GBF1: variants seen among roughly 807,000 people sequenced by gnomAD.
GBF1 encodes Golgi-specific brefeldin A-resistance guanine nucleotide exchange factor 1.
In GBF1, 114 loss-of-function variants were observed where a neutral mutation model predicts 210.5. The observed-to-expected ratio is 0.54, with a 90% CI of 0.47 to 0.63. The LOEUF is 0.63. Ranked by LOEUF, GBF1 falls within the 30% of genes least tolerant of loss-of-function variation. The probability of loss-of-function intolerance (pLI) is 0.00; values close to 1 mark genes in which losing one functional copy is unlikely to be tolerated. For missense variants in GBF1, 1,851 were observed against 2,357.7 expected (o/e 0.79, Z 4.45); for synonymous variants, 850 against 889.2 (o/e 0.96, Z 0.78).
rs866981866 is a variant in GBF1 at position 102,276,399 on chromosome 10, G to A, written c.163+16283G>A. Among the ~76,000 whole-genome samples, 83 of 151,422 alleles carry A rather than the reference G, an allele frequency of 5.5e-4. 1 individual carries two copies. The Middle Eastern group carries it at 0.021, about 37-fold the overall frequency. The stretch of plus-strand genomic sequence containing the variant: ...AAATTAGCTGGGCATGGTGGCGGGC[G>A]CCTATAGTCACAGCTACTCAGGAGT... On this transcript the variant is annotated intron_variant, in intron 3 of 39. Transcript: ENST00000369983.
intron 3 of GBF1, among the ~76,000 whole-genome samples, chr10:102,298,663 T>TC (rs765782651): frequency 1.3e-5 from 2 of 152,104 alleles, no homozygotes; most frequent in Non-Finnish European, 2.9e-5. Context: ...CTCATTGAGT[T>TC]CCCCCAAGGA....
In GBF1 at chr10:102,351,893, A is replaced by C; in HGVS notation, c.465A>C (p.Glu155Asp). Residue 155 changes from glutamate to aspartate, a missense_variant, in exon 6 of 40, where the codon GAA becomes GAC. By Grantham distance (45) the Glu-to-Asp change is conservative. Transcript: ENST00000369983. ...LTPVGAHLTN[E>D]SVCEIMQSCF... The stretch of plus-strand genomic sequence containing the variant: ...CAGTGGGTGCCCACCTAACCAATGA[A>C]TCTGTGTGTGAGATTATGCAGTCTT... 6.2e-7 allele frequency: 1 copy of C among 1,612,474 alleles called. No homozygotes were observed. The highest frequency in any genetic ancestry group is 8.5e-7 in the Non-Finnish European group (1 of 1,178,542).
chr10:102,370,625 A>G, intron 28 of GBF1, 82 bp from the exon 29 acceptor site: 1 of 1,421,664 alleles, frequency 7.0e-7, no homozygotes, highest in African/African-American at 1.4e-5. Context: ...TATAATACCA[A>G]TGAGTCCTGA....
chr10:102,264,088 G>A (rs994471108), intron 3 of GBF1, among the ~76,000 whole-genome samples: 3 of 152,222 alleles, frequency 2.0e-5, no homozygotes, highest in African/African-American at 7.2e-5. Context: ...AGCGATGGTT[G>A]CACAACTTTG....
At chr10:102,234,174 C>G in the GBF1 span, among the ~76,000 whole-genome samples, 3 of 152,160 alleles carry the variant, frequency 2.0e-5, no homozygotes, top group African/African-American at 4.8e-5. Context: ...TTATTAGGAG[C>G]CTTTCTCAGG....
intron 3 of GBF1, among the ~76,000 whole-genome samples, chr10:102,329,756 C>G (rs1354758945): frequency 2.0e-5 from 3 of 152,130 alleles, no homozygotes; most frequent in African/African-American, 7.2e-5. Context: ...AGCCACCAAG[C>G]CCGGCCAAGT....
At position 102,371,965 on chromosome 10, in the gene GBF1, C is replaced by T. The variant is rs1031479097; in HGVS notation, c.3660+1105C>T. Among the ~76,000 whole-genome samples the T allele has an allele frequency of 5.3e-5, 8 of 151,000 alleles. 1 individual carries two copies. Among genetic ancestry groups the T allele is most frequent in the Non-Finnish European group, 7.4e-5 (5 of 67,880 alleles). On this transcript the variant is annotated intron_variant, in intron 29 of 39. Transcript: ENST00000369983. ...AGAATCACTCTGGTATTAAGACTTACTGTCCACTTTGGGGGGCTGAGGCGG... is the reference window on the plus strand; with the variant it reads ...AGAATCACTCTGGTATTAAGACTTATTGTCCACTTTGGGGGGCTGAGGCGG...
intron 3 of GBF1, among the ~76,000 whole-genome samples, chr10:102,297,270 C>T (rs1236313520): frequency 6.6e-6 from 1 of 152,186 alleles, no homozygotes; most frequent in African/African-American, 2.4e-5. Flanking sequence ...CATAGATGTA[C>T]AGACTTGCCA....
At chr10:102,244,768 G>C (rs183319756), upstream of GBF1, among the ~76,000 whole-genome samples, 10 of 152,296 alleles carry the variant, frequency 6.6e-5, no homozygotes, top group Admixed American at 5.2e-4. Context: ...AGACCCAGGG[G>C]TTCGTCTCTC....
At position 102,365,462 on chromosome 10, in the gene GBF1, G is replaced by A; in HGVS notation, c.2172G>A (p.Glu724=). The change falls in exon 18 of 40, where the codon GAG becomes GAA. Residue 724 remains glutamate, a synonymous_variant. Transcript: ENST00000369983. ...AGAAGGGGATTCAGTTTCTGCAAGA[G>A]AAAGGCCTCCTCACCATCCCAATGG... ...KPKKGIQFLQ[E]KGLLTIPMDN... The A allele has an allele frequency of 6.2e-7, 1 of 1,614,146 alleles. No homozygotes were observed. The highest frequency in any genetic ancestry group is 8.5e-7 in the Non-Finnish European group (1 of 1,179,932).
chr10:102,379,329 T>C lies in GBF1; in HGVS notation c.4540T>C (p.Tyr1514His). 6.2e-7 allele frequency: 1 copy of C among 1,613,892 alleles called. No homozygotes were observed. The highest frequency in any genetic ancestry group is 1.3e-5 in the African/African-American group (1 of 75,012). Reference sequence around the variant, plus strand: ...CCTGCACACGCGGGCAGCCTCTATCTACAGCTCATGGGCGGAGGAGCAACG... The same window carrying C: ...CCTGCACACGCGGGCAGCCTCTATCCACAGCTCATGGGCGGAGGAGCAACG... Reference protein sequence around the residue: ...HTLHTRAASIYSSWAEEQRHL... With the variant: ...HTLHTRAASIHSSWAEEQRHL... The change falls in exon 34 of 40, where the codon TAC becomes CAC. Residue 1514 changes from tyrosine to histidine, a missense_variant. This residue lies in a region of GBF1 where 967 missense variants were observed against 1,247.7 expected (regional missense o/e 0.78). Transcript: ENST00000369983.
In GBF1 at chr10:102,330,962, GGAGGCTAAATCTGACCTGAGGCA is replaced by G. The variant is rs530412020; in HGVS notation, c.164-13086_164-13064del. Reference sequence around the variant, plus strand: ...AGTGCCTGTCTTATCTTTTGAAAGTGGAGGCTAAATCTGACCTGAGGCAGACCAGGGCAGCCTCACTCAGCAAG... The same window carrying G: ...AGTGCCTGTCTTATCTTTTGAAAGTGGACCAGGGCAGCCTCACTCAGCAAG... On this transcript the variant is annotated intron_variant, in intron 3 of 39. Transcript: ENST00000369983. 1.2e-4 allele frequency among the ~76,000 whole-genome samples: 19 copies of G among 152,172 alleles called. No homozygotes were observed. The East Asian group carries it at 3.7e-3, about 29-fold the overall frequency.
intron 3 of GBF1, among the ~76,000 whole-genome samples, chr10:102,320,697 G>C (rs961864582): frequency 6.6e-6 from 1 of 151,872 alleles, no homozygotes; most frequent in Non-Finnish European, 1.5e-5. Flanking sequence ...TAGCTGAAAG[G>C]CTGAGAAGCA....
chr10:102,266,498 C>T (rs2073887628), intron 3 of GBF1, among the ~76,000 whole-genome samples: 1 of 152,160 alleles, frequency 6.6e-6, no homozygotes, highest in Admixed American at 6.5e-5. Flanking sequence ...ACTGGTTTGA[C>T]AGGACTAATG....
Position 102,351,336 on chromosome 10 carries a change from C to T in GBF1, c.376C>T (p.Pro126Ser). The T allele has an allele frequency of 6.2e-7, 1 of 1,607,852 alleles. No individual in the cohort carries two copies. The highest frequency in any genetic ancestry group is 8.5e-7 in the Non-Finnish European group (1 of 1,174,330). ...CCATGCTCGTTTTGTGGGCACGGAT[C>T]CTGCCAGTGATGAAGTTGTCCTGAT... is the stretch of plus-strand genomic sequence containing the variant. ...VTHARFVGTD[P>S]ASDEVVLMKI... The change falls in exon 5 of 40, where the codon CCT becomes TCT. Residue 126 changes from proline to serine, a missense_variant. This residue lies in a region of GBF1 where 804 missense variants were observed against 958.6 expected (regional missense o/e 0.84). Coordinates refer to ENST00000369983, the MANE Select transcript of GBF1 (RefSeq NM_001377137.1).
At chr10:102,358,465 CTCTT>C (rs771792890) in intron 9 of GBF1, 37 bp from the exon 10 acceptor site, 3 of 1,424,668 alleles carry the variant, frequency 2.1e-6, no homozygotes, top group Non-Finnish European at 3.0e-6. Context: ...TGCCCACAGC[CTCTT>C]TCTTCTCCTT....
chr10:102,280,606 A>G (rs560976085), intron 3 of GBF1, among the ~76,000 whole-genome samples: 3 of 152,326 alleles, frequency 2.0e-5, no homozygotes, highest in African/African-American at 7.2e-5. Flanking sequence ...AAAATTAGCA[A>G]CTATATAAAA....
intron 3 of GBF1, among the ~76,000 whole-genome samples, chr10:102,309,119 C>T (rs1296099594): frequency 6.6e-6 from 1 of 152,148 alleles, no homozygotes; most frequent in Non-Finnish European, 1.5e-5. Context: ...GAGTTATGCA[C>T]TTAATGGTGT....
intron 21 of GBF1, among the ~76,000 whole-genome samples, chr10:102,367,837 G>T (rs1020503100): frequency 1.3e-5 from 2 of 152,226 alleles, no homozygotes; most frequent in Non-Finnish European, 2.9e-5. Flanking sequence ...ACATTTTCCT[G>T]TATAGATTAC....
Sources: gnomAD v4.1 joint callset for allele counts (sites outside exome capture counted in the v4.1 genomes callset) on GRCh38, gnomAD v4.1.1 for gene constraint, gnomAD v4.1.1 regional missense constraint, MANE v1.5 for transcripts, NCBI Gene and HGNC (gene_info 2026-07-23, HGNC 2026-07-21) for gene names.